The following COPA variants were observed in gnomAD, a reference collection of about 807,000 sequenced individuals.
The protein encoded by COPA is coatomer subunit alpha.
COPA carries 10 observed loss-of-function variants against 158.7 expected under a neutral mutation model. The ratio of observed to expected loss-of-function variants is 0.06; its 90% confidence interval spans 0.04 to 0.11. The LOEUF (loss-of-function observed/expected upper bound fraction) is 0.11. Among genes scored for constraint, COPA ranks in the 10% least tolerant of loss-of-function variants. COPA has a pLI of 1.00. For synonymous variants in COPA, 462 were observed against 542.8 expected (o/e 0.85, Z 2.07); for missense variants, 1,065 against 1,536.7 (o/e 0.69, Z 5.13).
intron 6 of COPA, among the ~76,000 whole-genome samples, chr1:160,331,648 C>CA (rs59093132): frequency 0.088 from 8,385 of 95,610 alleles, 480 homozygotes; most frequent in African/African-American, 0.18. Context: ...GACTCCATCT[C>CA]AAAAAAAAAA....
chr1:160,323,604 CGTT>C lies in COPA; in HGVS notation c.607-77_607-75del, dbSNP rs1488028800. On this transcript the variant is annotated intron_variant, in intron 7 of 32. Transcript: ENST00000241704. ...AAGCAAACCAATGAATCAAGCTACT[CGTT>C]GTAAAAAATGTCTCTGATTTATTCT... 2.9e-5 allele frequency: 34 copies of C among 1,160,662 alleles called. No individual in the cohort carries two copies. In the East Asian group the frequency reaches 4.4e-4, roughly 15 times the overall value. The allele number at this position is 1,160,662 out of a possible 1,614,324, so 71.9% of individuals were successfully genotyped here.
At chr1:160,309,829 C>T (rs909437551) in intron 12 of COPA, among the ~76,000 whole-genome samples, 1 of 150,406 alleles carries the variant, frequency 6.6e-6, no homozygotes, top group Non-Finnish European at 1.5e-5. Flanking sequence ...ATATGAACTT[C>T]CTCTCAAAAT....
chr1:160,290,365 G>T, intron 32 of COPA, 127 bp downstream of exon 32: 1 of 1,366,378 alleles, frequency 7.3e-7, no homozygotes, highest in Non-Finnish European at 1.0e-6. Context: ...AGATGCTCTA[G>T]CTTTCTCCAG....
chr1:160,338,934 G>A (rs966006573), intron 3 of COPA, among the ~76,000 whole-genome samples: 8 of 152,032 alleles, frequency 5.3e-5, no homozygotes, highest in Non-Finnish European at 1.0e-4. Context: ...TATATTTCTA[G>A]CACAGACACC....
intron 15 of COPA, among the ~76,000 whole-genome samples, chr1:160,306,115 G>A (rs908757053): frequency 7.9e-5 from 12 of 152,154 alleles, no homozygotes; most frequent in Admixed American, 3.9e-4. Context: ...CGGAGAACAC[G>A]CTTTGTTCAG....
Position 160,299,291 on chromosome 1 carries a change from T to C in COPA, c.1668-27A>G, listed in dbSNP as rs755182720. The C allele has an allele frequency of 7.6e-6, 12 of 1,585,018 alleles. No individual in the cohort carries two copies. The East Asian group carries it at 2.7e-4, about 36-fold the overall frequency. ...TAAGAACAGAGGGCACAGCTTTCAG[T>C]AAGTGAGAGGGAAAATCCATCCTGT... On this transcript the variant is annotated intron_variant, in intron 17 of 32. Coordinates refer to ENST00000241704, the MANE Select transcript of COPA (RefSeq NM_004371.4).
chr1:160,330,843 A>C (rs924854603), intron 6 of COPA, among the ~76,000 whole-genome samples: 2 of 152,160 alleles, frequency 1.3e-5, no homozygotes, highest in African/African-American at 4.8e-5. Flanking sequence ...CATTTCAAAG[A>C]ACTCAAATCT....
intron 6 of COPA, among the ~76,000 whole-genome samples, chr1:160,330,179 C>G (rs928613375): frequency 6.6e-6 from 1 of 151,866 alleles, no homozygotes; most frequent in African/African-American, 2.4e-5. Context: ...GGGATCCAAG[C>G]CCATCAGGCT....
chr1:160,310,538 G>C (rs1658931093), intron 11 of COPA: 1 of 218,618 alleles, frequency 4.6e-6, no homozygotes, highest in Admixed American at 5.8e-5. Flanking sequence ...GTAGTGAGTG[G>C]GACTGGTTCT....
At chr1:160,337,019 C>T (rs1382818007) in intron 3 of COPA, among the ~76,000 whole-genome samples, 1 of 152,118 alleles carries the variant, frequency 6.6e-6, no homozygotes, top group East Asian at 1.9e-4. Context: ...ATACCTTTGC[C>T]TCTATCTATT....
chr1:160,311,846 G>C lies in COPA; in HGVS notation c.1076+22C>G, dbSNP rs562088173. 69 of 1,604,692 alleles carry C rather than the reference G, an allele frequency of 4.3e-5. No homozygotes were observed. In the South Asian group the frequency reaches 7.0e-4, roughly 16 times the overall value. The stretch of plus-strand genomic sequence containing the variant: ...GGGTGACAGATGAGAGGGTTTGGAG[G>C]AAAGAAACAAGTCCGATTTACCTCC... On this transcript the variant is annotated intron_variant, in intron 11 of 32. Transcript: ENST00000241704.
At chr1:160,293,522 T>TGTGACC in intron 25 of COPA, 59 bp from the exon 26 acceptor site, 1 of 1,282,594 alleles carries the variant, frequency 7.8e-7, no homozygotes, top group Non-Finnish European at 1.1e-6. Flanking sequence ...TGAGACAGGG[T>TGTGACC]CACACTCTGT....
chr1:160,295,355 T>G lies in COPA; in HGVS notation c.2476+381A>C, dbSNP rs572022378. The stretch of plus-strand genomic sequence containing the variant: ...AAGTGGTGGAGGGTGATAGCACACA[T>G]CTGCCTATACCCACATACCGGAATT... On this transcript the variant is annotated intron_variant, in intron 23 of 32. Coordinates refer to ENST00000241704, the MANE Select transcript of COPA (RefSeq NM_004371.4). Among the ~76,000 whole-genome samples the G allele has an allele frequency of 2.6e-5, 4 of 152,212 alleles. No homozygotes were observed. The East Asian group carries it at 7.7e-4, about 29-fold the overall frequency.
chr1:160,320,632 A>AAAAAAT (rs1659301447), intron 8 of COPA, among the ~76,000 whole-genome samples: 3 of 145,954 alleles, frequency 2.1e-5, no homozygotes, highest in African/African-American at 5.0e-5. Context: ...AAAAAAAAAA[A>AAAAAAT]GATTGAACCA....
intron 6 of COPA, among the ~76,000 whole-genome samples, chr1:160,332,086 C>A (rs1647554536): frequency 6.6e-6 from 1 of 152,122 alleles, no homozygotes; most frequent in East Asian, 1.9e-4. Context: ...TCTTGTTTCC[C>A]TGTATTAATC....
chr1:160,317,097 A>T (rs955587446), intron 8 of COPA, among the ~76,000 whole-genome samples: 1 of 149,690 alleles, frequency 6.7e-6, no homozygotes, highest in South Asian at 2.2e-4. Flanking sequence ...CAAGTGCTCA[A>T]AGAAAAAACC....
intron 13 of COPA, among the ~76,000 whole-genome samples, chr1:160,308,349 C>A (rs1658858130): frequency 6.6e-6 from 1 of 152,144 alleles, no homozygotes; most frequent in Non-Finnish European, 1.5e-5. Context: ...CGATTAGCAA[C>A]AATAATAACC....
chr1:160,343,234 G>A lies in COPA; in HGVS notation c.-64C>T. On this transcript the variant is annotated 5_prime_UTR_variant, in exon 1 of 33. Transcript: ENST00000241704. ...CGACACACCCTGCTGCCCTTCGGAC[G>A]CCTCCACGTCAGCGACCCTCTCCCG... 4 of 1,603,944 alleles carry A rather than the reference G, an allele frequency of 2.5e-6. No individual in the cohort carries two copies. The highest frequency in any genetic ancestry group is 3.4e-6 in the Non-Finnish European group (4 of 1,170,770).
chr1:160,334,764 G>T (rs1278122265), intron 4 of COPA, among the ~76,000 whole-genome samples: 2 of 152,140 alleles, frequency 1.3e-5, no homozygotes, highest in Non-Finnish European at 2.9e-5. Flanking sequence ...TTACCTGGCA[G>T]ATCAAAGAAA....
Sources: allele counts gnomAD v4.1 joint callset (sites outside exome capture counted in the v4.1 genomes callset), GRCh38; gene constraint gnomAD v4.1.1; transcripts MANE v1.5; gene names NCBI Gene and HGNC (gene_info 2026-07-23, HGNC 2026-07-21).